The following LSG1 variants were observed in gnomAD, a reference collection of about 807,000 sequenced individuals.
The protein encoded by LSG1 is large subunit GTPase 1 homolog.
Under a neutral mutation model 82.6 loss-of-function variants are expected in LSG1, and 55 were observed. The observed-to-expected ratio is 0.67, with a 90% CI of 0.54 to 0.83. LSG1 has a LOEUF of 0.83. LSG1 is among the 40% of genes least tolerant of loss of function. The probability of loss-of-function intolerance (pLI) is 0.00; values close to 1 mark genes in which losing one functional copy is unlikely to be tolerated. For missense variants in LSG1, 809 were observed against 807.9 expected, an observed-to-expected ratio of 1.00 and a Z score of -0.02; for synonymous variants, 272 against 282.5, an observed-to-expected ratio of 0.96 and a Z score of 0.37.
chr3:194,664,167 G>A (rs1718986214), intron 5 of LSG1, among the ~76,000 whole-genome samples: 2 of 152,102 alleles, frequency 1.3e-5, no homozygotes, highest in Non-Finnish European at 2.9e-5. Context: ...TCCTCAGGCT[G>A]GTATCGAACT....
At chr3:194,660,911 T>C (rs1472195607) in intron 5 of LSG1, 1 of 456,366 alleles carries the variant, frequency 2.2e-6, no homozygotes, top group Non-Finnish European at 4.4e-6. Context: ...AAAAATTCCC[T>C]TCTATGGGAG....
intron 13 of LSG1, among the ~76,000 whole-genome samples, chr3:194,643,584 C>G (rs2108613884): frequency 6.6e-6 from 1 of 152,228 alleles, no homozygotes; most frequent in South Asian, 2.1e-4. Context: ...AATTAGAAAC[C>G]TCCTACATCA....
rs577726463 is a variant in LSG1, at chr3:194,651,371, C to T, written c.1174-155G>A. On this transcript the variant is annotated intron_variant, in intron 8 of 13. Transcript: ENST00000265245. ...CTGTGTTTGTTGAGACATCTTTTTT[C>T]TCCTGTGGTGTGGGTATATTTATTC... 23 of 622,108 alleles carry T rather than the reference C, an allele frequency of 3.7e-5. No homozygotes were observed. In the South Asian group the frequency reaches 4.1e-4, roughly 11 times the overall value. The allele number at this position is 622,108 out of a possible 1,614,324, so 38.5% of individuals were successfully genotyped here. A position where few individuals can be genotyped will look rare whatever the true frequency, so the allele number is the denominator to read the frequency against.
chr3:194,653,430 G>C (rs1718722618), intron 7 of LSG1, among the ~76,000 whole-genome samples: 1 of 151,866 alleles, frequency 6.6e-6, no homozygotes, highest in Admixed American at 6.6e-5. Flanking sequence ...CAGGAGAACT[G>C]CTTGAACCTG....
chr3:194,651,301 T>G (rs1718669993), intron 8 of LSG1, 85 bp from the exon 9 acceptor site: 1 of 887,454 alleles, frequency 1.1e-6, no homozygotes, highest in Non-Finnish European at 1.9e-6. Flanking sequence ...GTGGCAAGAC[T>G]AGCATAAGCA....
At position 194,641,897 on chromosome 3, in the gene LSG1, T is replaced by G; in HGVS notation, c.*171A>C. 1.6e-6 allele frequency: 1 copy of G among 611,938 alleles called. No individual in the cohort carries two copies. Among genetic ancestry groups the G allele is most frequent in the Non-Finnish European group, 2.7e-6 (1 of 368,706 alleles). The allele number at this position is 611,938 out of a possible 1,614,324, so 37.9% of individuals were successfully genotyped here. On this transcript the variant is annotated 3_prime_UTR_variant, in exon 14 of 14. Transcript: ENST00000265245. ...TGACTCCTTTTTGTCAGAGTTGGTGTTTCCAGGAGGCCCTTGGTCTTGACA... is the reference window on the plus strand; with the variant it reads ...TGACTCCTTTTTGTCAGAGTTGGTGGTTCCAGGAGGCCCTTGGTCTTGACA...
chr3:194,654,120 T>G (rs1718744603), intron 7 of LSG1, among the ~76,000 whole-genome samples: 2 of 152,194 alleles, frequency 1.3e-5, no homozygotes, highest in Admixed American at 6.5e-5. Flanking sequence ...TTGGCATGTT[T>G]AAAGAAATCT....
intron 2 of LSG1, 66 bp downstream of exon 2, chr3:194,669,942 CA>C (rs1045790028): frequency 2.8e-5 from 44 of 1,554,020 alleles, no homozygotes; most frequent in African/African-American, 6.9e-5. Context: ...AAACAAAAAA[CA>C]AAAAAAACCT....
rs572774003 is a variant in LSG1, at chr3:194,641,477, C to T, written c.*591G>A. 1 of 152,282 alleles carries T rather than the reference C, an allele frequency of 6.6e-6. No homozygotes were observed. The highest frequency in any genetic ancestry group is 2.4e-5 in the African/African-American group (1 of 41,530). The allele number at this position is 152,282 out of a possible 1,614,324, so 9.4% of individuals were successfully genotyped here. ...CCCGGTGGTTACATTCTACATGTTC[C>T]TTAGTGGACGTGAGCCCCCGCTGTA... On this transcript the variant is annotated 3_prime_UTR_variant, in exon 14 of 14. Transcript: ENST00000265245.
chr3:194,656,027 A>G (rs1718782485), intron 7 of LSG1, among the ~76,000 whole-genome samples: 1 of 152,248 alleles, frequency 6.6e-6, no homozygotes, highest in South Asian at 2.1e-4. Flanking sequence ...CTTACATGTT[A>G]GACCTAAAAC....
intron 11 of LSG1, among the ~76,000 whole-genome samples, chr3:194,648,098 T>TG (rs1718591509): frequency 6.7e-6 from 1 of 149,670 alleles, no homozygotes; most frequent in South Asian, 2.1e-4. Flanking sequence ...TTTTTTTTTT[T>TG]AGGTAGACAC....
At chr3:194,645,535 G>GACACAGACACAC (rs1718513985) in intron 12 of LSG1, 1 of 34,962 alleles carries the variant, frequency 2.9e-5, no homozygotes, top group African/African-American at 9.6e-5. Context: ...CACACAGACA[G>GACACAGACACAC]ACACACACAC....
At position 194,645,591 on chromosome 3, in the gene LSG1, C is replaced by G. The variant is rs1450943544; in HGVS notation, c.1623+573G>C. On this transcript the variant is annotated intron_variant, in intron 12 of 13. Coordinates refer to ENST00000265245, the MANE Select transcript of LSG1 (RefSeq NM_018385.3). ...ACACAGACAGACACACACACACACA[C>G]ACACACACACACACACACACACACA... Among the ~76,000 whole-genome samples, 92 of 105,816 alleles carry G rather than the reference C, an allele frequency of 8.7e-4. 3 individuals carry two copies. Among genetic ancestry groups the G allele is most frequent in the East Asian group, 1.6e-3 (7 of 4,402 alleles). The allele number at this position is 105,816 out of a possible 152,430, so 69.4% of individuals were successfully genotyped here. A position where few individuals can be genotyped will look rare whatever the true frequency, so the allele number is the denominator to read the frequency against.
rs373776117 is a variant in LSG1, at chr3:194,644,607, A to C, written c.1763T>G (p.Ile588Ser). ...QLGRNKKAKQ[I>S]ENIVDKTFFH... ...AAAAGTTTTGTCAACGATATTTTCA[A>C]TCTGCTTTGCTTTTTTATTTCTGCC... Residue 588 changes from isoleucine (I) to serine (S), a missense_variant, in exon 13 of 14, where the codon ATT (isoleucine) becomes AGT (serine). Physicochemically the swap from Ile to Ser is moderately radical, Grantham distance 142. Coordinates refer to ENST00000265245, the MANE Select transcript of LSG1 (RefSeq NM_018385.3). The C allele has an allele frequency of 1.9e-5, 31 of 1,611,996 alleles. No individual in the cohort carries two copies. In the South Asian group the frequency reaches 3.4e-4, roughly 18 times the overall value.
At position 194,659,043 on chromosome 3, in the gene LSG1, A is replaced by G; in HGVS notation, c.673T>C (p.Trp225Arg). The change falls in exon 7 of 14, where the codon TGG becomes CGG. Residue 225 changes from tryptophan to arginine, a missense_variant. Physicochemically the swap from Trp to Arg is moderately radical, Grantham distance 101. Coordinates refer to ENST00000265245, the MANE Select transcript of LSG1 (RefSeq NM_018385.3). ...TCTTCTTTTTCGAAGTACATGGCCC[A>G]GGCACTCCGCTGCTCAGCAGTCAGC... The part of the protein sequence containing the change: ...DLLTAEQRSA[W>R]AMYFEKEDVK... 2 of 1,614,248 alleles carry G rather than the reference A, an allele frequency of 1.2e-6. No individual in the cohort carries two copies. The highest frequency in any genetic ancestry group is 1.7e-6 in the Non-Finnish European group (2 of 1,180,038).
intron 3 of LSG1, 78 bp from the exon 4 acceptor site, chr3:194,666,367 C>T: frequency 6.3e-7 from 1 of 1,597,014 alleles, no homozygotes; most frequent in Non-Finnish European, 8.6e-7. Flanking sequence ...CTAATAATGG[C>T]AGCTGAGAAA....
rs200093467 is a variant in LSG1, at chr3:194,672,147, C to G, written c.16G>C (p.Ala6Pro). The change falls in exon 1 of 14, where the codon GCC becomes CCC. Residue 6 changes from alanine (A) to proline (P), a missense_variant. Coordinates refer to ENST00000265245, the MANE Select transcript of LSG1 (RefSeq NM_018385.3). ...CGTCCCAGCGACCCACCGGCCGGGGCTCTCCTCCGGCCCATGGCAACACGA... is the reference window on the plus strand; with the variant it reads ...CGTCCCAGCGACCCACCGGCCGGGGGTCTCCTCCGGCCCATGGCAACACGA... MGRRR[A>P]PAGGSLGRAL... is the part of the protein sequence containing the mutation. The G allele has an allele frequency of 1.4e-5, 22 of 1,603,468 alleles. No individual in the cohort carries two copies. The highest frequency in any genetic ancestry group is 2.2e-5 in the East Asian group (1 of 44,890).
chr3:194,642,302 A>T, intron 13 of LSG1, 55 bp from the exon 14 acceptor site: 1 of 1,489,686 alleles, frequency 6.7e-7, no homozygotes, highest in Non-Finnish European at 9.2e-7. Flanking sequence ...CCTTTAAGGG[A>T]TATGCACAGT....
chr3:194,648,103 A>G (rs1718591908), intron 11 of LSG1, among the ~76,000 whole-genome samples: 1 of 138,060 alleles, frequency 7.2e-6, no homozygotes, highest in African/African-American at 2.9e-5. Flanking sequence ...TTTTTTAGGT[A>G]GACACAAGGT....
Sources: gnomAD v4.1 joint callset for allele counts (sites outside exome capture counted in the v4.1 genomes callset) on GRCh38, gnomAD v4.1.1 for gene constraint, MANE v1.5 for transcripts, NCBI Gene and HGNC (gene_info 2026-07-23, HGNC 2026-07-21) for gene names.